The following YY1 variants were observed in gnomAD, a reference collection of about 807,000 sequenced individuals.
The protein encoded by YY1 is transcriptional repressor protein YY1.
In YY1, 2 loss-of-function variants were observed where a neutral mutation model predicts 35.6. That is an observed-to-expected ratio of 0.06 (90% CI 0.02 to 0.18). YY1 has a LOEUF of 0.18. Among genes scored for constraint, YY1 ranks in the 10% least tolerant of loss-of-function variants. The pLI, the probability that YY1 is intolerant of heterozygous loss-of-function variation, is 1.00. For missense variants in YY1, 322 were observed against 573.4 expected (o/e 0.56, Z 4.48); for synonymous variants, 268 against 238.9 (o/e 1.12, Z -1.12).
intron 3 of YY1, 27 bp downstream of exon 3, chr14:100,274,785 C>G (rs1332042715): frequency 6.2e-7 from 1 of 1,601,120 alleles, no homozygotes; most frequent in Non-Finnish European, 8.6e-7. Context: ...GGAGAGTGTT[C>G]ATTAAACTGT....
At chr14:100,272,631 A>G (rs1026929127) in intron 2 of YY1, among the ~76,000 whole-genome samples, 2 of 151,734 alleles carry the variant, frequency 1.3e-5, no homozygotes, top group Non-Finnish European at 2.9e-5. Context: ...GGATTCACTT[A>G]GGTGGGCTTT....
chr14:100,266,003 C>T lies in YY1; in HGVS notation c.842+3537C>T, dbSNP rs138446340. On this transcript the variant is annotated intron_variant, in intron 2 of 4. Transcript: ENST00000262238. ...CCCGTGTCCACATGGCTGGGGAGGC[C>T]TCAGAATCATGGCAGGAGGCAAAAG... Among the ~76,000 whole-genome samples the T allele has an allele frequency of 3.5e-3, 535 of 152,206 alleles. 22 individuals are homozygous for T. In the East Asian group the frequency reaches 0.065, roughly 19 times the overall value.
chr14:100,263,764 C>G (rs188269251), intron 2 of YY1: 4 of 152,030 alleles, frequency 2.6e-5, no homozygotes, highest in South Asian at 4.2e-4. Context: ...AGGTGGAGAC[C>G]GTTCAGTGTC....
intron 1 of YY1, among the ~76,000 whole-genome samples, chr14:100,259,914 TGGGTGA>T (rs1288614942): frequency 1.3e-5 from 2 of 152,170 alleles, no homozygotes. Flanking sequence ...GATTATACCA[TGGGTGA>T]GAATATATCA....
intron 1 of YY1, among the ~76,000 whole-genome samples, chr14:100,259,800 G>A (rs1265925260): frequency 2.6e-5 from 4 of 152,198 alleles, no homozygotes; most frequent in African/African-American, 9.6e-5. Context: ...GAAGGCATGT[G>A]CAAAGGAGAA....
intron 1 of YY1, among the ~76,000 whole-genome samples, chr14:100,245,734 G>C (rs940043247): frequency 1.3e-5 from 2 of 151,974 alleles, no homozygotes; most frequent in Non-Finnish European, 2.9e-5. Context: ...AGCCTCCCGA[G>C]TAACTGGGAT....
In YY1 at chr14:100,239,361, A is replaced by G. The variant is rs1240639847; in HGVS notation, c.117A>G (p.Thr39=). The G allele has an allele frequency of 6.2e-7, 1 of 1,602,742 alleles. No individual in the cohort carries two copies. The highest frequency in any genetic ancestry group is 8.5e-7 in the Non-Finnish European group (1 of 1,175,476). ...TCCCGGTGGAGACCATCGAGACCACAGTGGTGGGCGAGGAGGAGGAGGAGG... is the reference window on the plus strand; with the variant it reads ...TCCCGGTGGAGACCATCGAGACCACGGTGGTGGGCGAGGAGGAGGAGGAGG... ...ETIPVETIET[T]VVGEEEEEDD... is the part of the protein sequence containing the mutation. Residue 39 remains threonine, a synonymous_variant, in exon 1 of 5, where the codon ACA becomes ACG. Coordinates refer to ENST00000262238, the MANE Select transcript of YY1 (RefSeq NM_003403.5).
Position 100,274,724 on chromosome 14 carries a change from A to G in YY1, c.869A>G (p.Asp290Gly). 1 of 1,614,100 alleles carries G rather than the reference A, an allele frequency of 6.2e-7. No individual in the cohort carries two copies. The highest frequency in any genetic ancestry group is 8.5e-7 in the Non-Finnish European group (1 of 1,179,960). ...ARMKPRKIKE[D>G]DAPRTIACPH... is the part of the protein sequence containing the mutation. ...ATGAAGCCAAGAAAAATTAAAGAAG[A>G]TGATGCTCCAAGAACAATAGCTTGC... Residue 290 changes from aspartate to glycine, a missense_variant, in exon 3 of 5, where the codon GAT becomes GGT. Physicochemically the swap from Asp to Gly is moderately conservative, Grantham distance 94. Transcript: ENST00000262238.
At chr14:100,243,090 G>A (rs1314160976) in intron 1 of YY1, among the ~76,000 whole-genome samples, 1 of 152,202 alleles carries the variant, frequency 6.6e-6, no homozygotes, top group African/African-American at 2.4e-5. Flanking sequence ...TATTACTAAA[G>A]AGAAGCTAAA....
intron 1 of YY1, among the ~76,000 whole-genome samples, chr14:100,250,858 G>A (rs551787718): frequency 0.044 from 6,468 of 146,964 alleles, 156 homozygotes; most frequent in Non-Finnish European, 0.051. Context: ...AAAAAAAAAA[G>A]GCCAGGCATG....
rs1269742478 is a variant in YY1 at position 100,276,271 on chromosome 14, C to T, written c.904-219C>T. 1.7e-6 allele frequency: 1 copy of T among 601,912 alleles called. No individual in the cohort carries two copies. Among genetic ancestry groups the T allele is most frequent in the Admixed American group, 3.0e-5 (1 of 33,542 alleles). 37.3% of individuals were successfully genotyped at this position (601,912 alleles called of 1,614,324 possible). A position where few individuals can be genotyped will look rare whatever the true frequency, so the allele number is the denominator to read the frequency against. On this transcript the variant is annotated intron_variant, in intron 3 of 4. Transcript: ENST00000262238. The surrounding 1 kb of genome is among the most constrained non-coding windows in gnomAD (Gnocchi z 4.1). ...AAAGACATCTCTAAGCCTCAGTTTC[C>T]TCATCTGTAAAACTAGGGTTTGCAT...
intron 1 of YY1, among the ~76,000 whole-genome samples, chr14:100,258,698 A>G (rs2139585214): frequency 6.6e-6 from 1 of 152,334 alleles, no homozygotes; most frequent in East Asian, 1.9e-4. Flanking sequence ...AACCCTGAGC[A>G]GGTTACTTAA....
At chr14:100,270,712 C>A (rs945783239) in intron 2 of YY1, among the ~76,000 whole-genome samples, 3 of 152,096 alleles carry the variant, frequency 2.0e-5, no homozygotes. Context: ...AGTCTACCCC[C>A]CTTTTAGGTA....
Position 100,278,997 on chromosome 14 carries a change from G to A in YY1, c.*1397G>A, listed in dbSNP as rs1278384890. On this transcript the variant is annotated 3_prime_UTR_variant, in exon 5 of 5. Transcript: ENST00000262238. ...GGAGTCCTTATTAAATGCTAGCAAT[G>A]TGGCAATTGAGTGCCAGTAGCTTAA... is the stretch of plus-strand genomic sequence containing the variant. 2.0e-5 allele frequency: 3 copies of A among 152,250 alleles called. No homozygotes were observed. The highest frequency in any genetic ancestry group is 4.4e-5 in the Non-Finnish European group (3 of 68,042). The allele number at this position is 152,250 out of a possible 1,614,324, so 9.4% of individuals were successfully genotyped here.
intron 2 of YY1, among the ~76,000 whole-genome samples, chr14:100,267,654 G>T (rs1002940618): frequency 3.3e-5 from 5 of 152,020 alleles, no homozygotes; most frequent in African/African-American, 7.2e-5. Flanking sequence ...CTTCCGAGTA[G>T]CTGGGACTAC....
At chr14:100,267,531 CT>C (rs5810988) in intron 2 of YY1, among the ~76,000 whole-genome samples, 97,898 of 148,628 alleles carry the variant, frequency 0.66, 32,493 homozygotes, top group South Asian at 0.8. Flanking sequence ...TACATAGTAG[CT>C]TTTTTTTTTT....
chr14:100,255,989 G>T (rs1226198865), intron 1 of YY1, among the ~76,000 whole-genome samples: 1 of 152,124 alleles, frequency 6.6e-6, no homozygotes, highest in African/African-American at 2.4e-5. Context: ...AATGCAGTCT[G>T]AGTCAGGCAT....
At chr14:100,259,216 C>G (rs1009306234) in intron 1 of YY1, among the ~76,000 whole-genome samples, 1 of 152,164 alleles carries the variant, frequency 6.6e-6, no homozygotes, top group Non-Finnish European at 1.5e-5. Context: ...TTTTTGGCCT[C>G]TGGGCACTTC....
At chr14:100,241,313 G>T (rs1372161153) in intron 1 of YY1, among the ~76,000 whole-genome samples, 1 of 152,146 alleles carries the variant, frequency 6.6e-6, no homozygotes, top group African/African-American at 2.4e-5. Flanking sequence ...TCAAAATATG[G>T]TGACCTTTGA....
Sources: allele counts gnomAD v4.1 joint callset (sites outside exome capture counted in the v4.1 genomes callset), GRCh38; gene constraint gnomAD v4.1.1; non-coding constraint Gnocchi (gnomAD v3.1); transcripts MANE v1.5; gene names NCBI Gene and HGNC (gene_info 2026-07-23, HGNC 2026-07-21).